Variants in ADAM32 observed in about 807,000 individuals in gnomAD.
ADAM32 encodes the protein disintegrin and metalloproteinase domain-containing protein 32.
A neutral mutation model predicts 114.9 loss-of-function variants in ADAM32; 89 were observed. That is an observed-to-expected ratio of 0.77 (90% CI 0.65 to 0.92). The LOEUF (loss-of-function observed/expected upper bound fraction) is 0.92. Ranked by LOEUF, ADAM32 falls within the 40% of genes least tolerant of loss-of-function variation. The pLI is 0.00. For missense variants in ADAM32, 870 were observed against 932.8 expected (o/e 0.93, Z 0.88); for synonymous variants, 285 against 307.5 (o/e 0.93, Z 0.77).
intron 17 of ADAM32, among the ~76,000 whole-genome samples, chr8:39,254,152 G>A (rs1304703661): frequency 1.0e-4 from 15 of 150,648 alleles, no homozygotes; most frequent in South Asian, 2.1e-4. Context: ...AAATTGCATC[G>A]TAAATTTGTA....
intron 22 of ADAM32, among the ~76,000 whole-genome samples, chr8:39,280,885 C>G (rs931412999): frequency 5.9e-5 from 9 of 151,920 alleles, no homozygotes; most frequent in Non-Finnish European, 1.2e-4. Flanking sequence ...TGGGTTCACT[C>G]CATTCTCCTG....
In ADAM32 at chr8:39,234,034, TC is replaced by T; in HGVS notation, c.1772del (p.Pro591GlnfsTer19). ...TAGACTACAAATTGCCTCGAACAGT[TC>T]CAGATCCACTGGCTGTCAAAAATGG... Reference protein sequence around the residue: ...TVDYKLPRTVPDPLAVKNGSQ... With the variant: ...TVDYKLPRTVXDPLAVKNGSQ... On this transcript the variant is annotated frameshift_variant, in exon 16 of 25. Transcript: ENST00000379907. LOFTEE classifies it high-confidence loss of function. 1 of 1,515,030 alleles carries T rather than the reference TC, an allele frequency of 6.6e-7. No homozygotes were observed. The highest frequency in any genetic ancestry group is 8.9e-7 in the Non-Finnish European group (1 of 1,128,244). 93.8% of individuals were successfully genotyped at this position (1,515,030 alleles called of 1,614,324 possible).
Position 39,242,757 on chromosome 8 carries a change from C to T in ADAM32, c.1819-3326C>T, listed in dbSNP as rs1185020278. 5.3e-5 allele frequency among the ~76,000 whole-genome samples: 8 copies of T among 152,146 alleles called. No individual in the cohort carries two copies. In the East Asian group the frequency reaches 1.5e-3, roughly 29 times the overall value. On this transcript the variant is annotated intron_variant, in intron 16 of 24. Coordinates refer to ENST00000379907, the MANE Select transcript of ADAM32 (RefSeq NM_145004.7). ...TAGAGAAACAGGAACAAACTAAACC[C>T]AAATCCAGCAGAAGAAAATAAGTAA...
chr8:39,268,775 G>T (rs938853872), intron 19 of ADAM32, among the ~76,000 whole-genome samples: 7 of 152,148 alleles, frequency 4.6e-5, no homozygotes, highest in Non-Finnish European at 7.3e-5. Flanking sequence ...ATGTTAAGAA[G>T]TATGGAAATA....
chr8:39,270,958 A>T (rs753370813), intron 20 of ADAM32, 44 bp downstream of exon 20: 1 of 1,550,710 alleles, frequency 6.4e-7, no homozygotes, highest in Admixed American at 1.9e-5. Flanking sequence ...GTTGAAAATT[A>T]AGAGTTAATT....
At chr8:39,118,675 TA>T (rs912790263) in intron 2 of ADAM32, among the ~76,000 whole-genome samples, 42 of 152,174 alleles carry the variant, frequency 2.8e-4, no homozygotes, top group Non-Finnish European at 5.1e-4. Flanking sequence ...TTAGGAGATT[TA>T]AAAAAAAGAA....
chr8:39,164,120 G>T (rs1292191822), intron 7 of ADAM32, among the ~76,000 whole-genome samples: 4 of 152,158 alleles, frequency 2.6e-5, no homozygotes, highest in Non-Finnish European at 5.9e-5. Flanking sequence ...ACTCTCCTGT[G>T]TGATCCCATT....
At chr8:39,192,073 T>C (rs975482348) in intron 11 of ADAM32, among the ~76,000 whole-genome samples, 1 of 152,198 alleles carries the variant, frequency 6.6e-6, no homozygotes, top group African/African-American at 2.4e-5. Context: ...GAACTTGTTT[T>C]TGGTCCGTTC....
At chr8:39,130,874 G>A (rs1385348725) in intron 2 of ADAM32, 1 of 456,416 alleles carries the variant, frequency 2.2e-6, no homozygotes, top group East Asian at 7.0e-5. Context: ...TGGGTTAGTA[G>A]TCAGTTAGCT....
chr8:39,225,409 T>C (rs1483456440), intron 14 of ADAM32, among the ~76,000 whole-genome samples: 3 of 152,200 alleles, frequency 2.0e-5, no homozygotes, highest in African/African-American at 7.2e-5. Flanking sequence ...ACTGCTGCCC[T>C]GTACCCTTTG....
At chr8:39,152,340 T>C (rs971933426) in intron 6 of ADAM32, among the ~76,000 whole-genome samples, 1 of 152,202 alleles carries the variant, frequency 6.6e-6, no homozygotes, top group African/African-American at 2.4e-5. Flanking sequence ...CCAAGTAACA[T>C]TGGCATAACT....
intron 10 of ADAM32, among the ~76,000 whole-genome samples, chr8:39,179,005 T>A (rs1192202045): frequency 6.6e-6 from 1 of 152,040 alleles, no homozygotes; most frequent in Non-Finnish European, 1.5e-5. Flanking sequence ...AGGAATGGGA[T>A]CATCAGGGAC....
chr8:39,257,472 A>G (rs2129450681), intron 19 of ADAM32, 129 bp downstream of exon 19: 2 of 1,126,992 alleles, frequency 1.8e-6, no homozygotes, highest in South Asian at 4.1e-5. Flanking sequence ...TCAATATGTC[A>G]TTTAATTTTA....
At chr8:39,244,137 CACAT>C (rs1468194672) in intron 16 of ADAM32, among the ~76,000 whole-genome samples, 1 of 151,988 alleles carries the variant, frequency 6.6e-6, no homozygotes, top group Non-Finnish European at 1.5e-5. Flanking sequence ...CAAATGAAAA[CACAT>C]ACCATGCTCA....
At chr8:39,177,218 C>A (rs976267228) in intron 10 of ADAM32, among the ~76,000 whole-genome samples, 4 of 152,112 alleles carry the variant, frequency 2.6e-5, no homozygotes, top group African/African-American at 9.7e-5. Flanking sequence ...CATCACCATG[C>A]TTGGCTAATT....
At chr8:39,228,706 T>C (rs1809550493) in intron 14 of ADAM32, among the ~76,000 whole-genome samples, 1 of 152,192 alleles carries the variant, frequency 6.6e-6, no homozygotes, top group Non-Finnish European at 1.5e-5. Flanking sequence ...AGCCTAAGAA[T>C]AATTGGGGCT....
chr8:39,197,719 C>A (rs1004980393), intron 11 of ADAM32, among the ~76,000 whole-genome samples: 1 of 152,076 alleles, frequency 6.6e-6, no homozygotes, highest in African/African-American at 2.4e-5. Context: ...ATTGAGACTT[C>A]TTTTGTGGCC....
intron 1 of ADAM32, among the ~76,000 whole-genome samples, chr8:39,108,914 G>A (rs1043623420): frequency 1.3e-5 from 2 of 152,096 alleles, no homozygotes; most frequent in East Asian, 1.9e-4. Flanking sequence ...ACAGGAGGAG[G>A]AAATTCTCTG....
intron 17 of ADAM32, among the ~76,000 whole-genome samples, chr8:39,253,433 G>A (rs1178296187): frequency 6.6e-6 from 1 of 151,562 alleles, no homozygotes; most frequent in Non-Finnish European, 1.5e-5. Context: ...GAAGCAATGA[G>A]GCAAGGAAAA....
Sources: gnomAD v4.1 joint callset for allele counts (sites outside exome capture counted in the v4.1 genomes callset) on GRCh38, gnomAD v4.1.1 for gene constraint, MANE v1.5 for transcripts, NCBI Gene and HGNC (gene_info 2026-07-23, HGNC 2026-07-21) for gene names.